Variants in MEF2C observed in about 807,000 individuals in gnomAD.
The protein encoded by MEF2C is myocyte-specific enhancer factor 2C.
In MEF2C, 6 loss-of-function variants were observed where a neutral mutation model predicts 50.5. The observed-to-expected ratio is 0.12, with a 90% confidence interval of 0.07 to 0.23. MEF2C has a LOEUF of 0.23. MEF2C is among the 10% of genes least tolerant of loss of function. MEF2C has a pLI of 1.00. For synonymous variants in MEF2C, 183 were observed against 228.0 expected, an observed-to-expected ratio of 0.80 and a Z score of 1.78; for missense variants, 276 against 605.0, an observed-to-expected ratio of 0.46 and a Z score of 5.70.
At chr5:88,741,664 G>A (rs935355086) in intron 6 of MEF2C, 2 of 973,830 alleles carry the variant, frequency 2.1e-6, no homozygotes, top group Non-Finnish European at 2.4e-6. Flanking sequence ...ATATTATAAT[G>A]TTCTATATTA....
At chr5:88,785,889 G>C (rs929375826) in intron 3 of MEF2C, among the ~76,000 whole-genome samples, 1 of 151,946 alleles carries the variant, frequency 6.6e-6, no homozygotes. Flanking sequence ...GCACCTAGAA[G>C]TCTGAAGAGA....
chr5:88,770,398 TTCAATTTGAG>T (rs1030312894), intron 3 of MEF2C, among the ~76,000 whole-genome samples: 16 of 152,220 alleles, frequency 1.1e-4, no homozygotes, highest in African/African-American at 3.6e-4. Flanking sequence ...TGCCTTTTTA[TTCAATTTGAG>T]TCTATGCGTG....
chr5:88,771,343 T>C, intron 3 of MEF2C: 1 of 713,894 alleles, frequency 1.4e-6, no homozygotes, highest in Non-Finnish European at 1.7e-6. Context: ...TCCTAGAATA[T>C]CCTTATTTAC....
intron 1 of MEF2C, among the ~76,000 whole-genome samples, chr5:88,864,148 T>G (rs1581722681): frequency 1.9e-5 from 1 of 51,698 alleles, no homozygotes; most frequent in African/African-American, 1.2e-4. Context: ...TGTTTTTTTT[T>G]TTGTTTTTTT....
intron 6 of MEF2C, chr5:88,734,585 T>TTG: frequency 1.0e-6 from 1 of 958,360 alleles, no homozygotes; most frequent in Non-Finnish European, 1.2e-6. Context: ...TTTTTTTTTT[T>TTG]TTTTTTTTTT....
At chr5:88,795,634 C>A (rs1196861884) in intron 3 of MEF2C, among the ~76,000 whole-genome samples, 1 of 152,148 alleles carries the variant, frequency 6.6e-6, no homozygotes, top group Non-Finnish European at 1.5e-5. Context: ...CCCTTTATTT[C>A]TTTCTCTTGC....
At chr5:88,751,230 T>G in intron 5 of MEF2C, 2 of 985,188 alleles carry the variant, frequency 2.0e-6, no homozygotes, top group Non-Finnish European at 2.4e-6. Context: ...TATTTTTCTC[T>G]TGGACACTGT....
At chr5:88,826,633 G>A (rs538712708) in intron 1 of MEF2C, among the ~76,000 whole-genome samples, 124 of 152,018 alleles carry the variant, frequency 8.2e-4, no homozygotes, top group Non-Finnish European at 6.6e-4. Context: ...TATATTAAAA[G>A]GTCAGTTTCA....
chr5:88,873,574 T>G (rs182865787), intron 1 of MEF2C, among the ~76,000 whole-genome samples: 49 of 151,964 alleles, frequency 3.2e-4, no homozygotes, highest in African/African-American at 1.1e-3. Context: ...TAACGCTCAC[T>G]CTAAATCAAG....
chr5:88,801,311 A>G (rs1798215813), intron 3 of MEF2C, among the ~76,000 whole-genome samples: 3 of 152,178 alleles, frequency 2.0e-5, no homozygotes, highest in Admixed American at 2.0e-4. Flanking sequence ...TTAAATTAAA[A>G]TAAATAGGAT....
chr5:88,886,787 T>C (rs1834087412), upstream of MEF2C, among the ~76,000 whole-genome samples: 1 of 152,206 alleles, frequency 6.6e-6, no homozygotes, highest in African/African-American at 2.4e-5. Flanking sequence ...ATATATTTAA[T>C]TAAAGTGTCA....
At chr5:88,795,776 T>C (rs1416387351) in intron 3 of MEF2C, among the ~76,000 whole-genome samples, 2 of 152,218 alleles carry the variant, frequency 1.3e-5, no homozygotes, top group Non-Finnish European at 2.9e-5. Flanking sequence ...GGCTGTGGGT[T>C]TGTCATAAAT....
chr5:88,734,874 A>G, intron 6 of MEF2C: 2 of 977,676 alleles, frequency 2.0e-6, no homozygotes, highest in South Asian at 9.5e-5. Context: ...AATATTTTGA[A>G]CCATGATGAC....
intron 1 of MEF2C, among the ~76,000 whole-genome samples, chr5:88,846,468 G>C (rs1276145764): frequency 6.6e-6 from 1 of 152,084 alleles, no homozygotes; most frequent in Non-Finnish European, 1.5e-5. Flanking sequence ...TCATTTCAGA[G>C]AGCAAAAGGA....
At chr5:88,896,966 C>CACAT (rs70999408) in intron 1 of MEF2C, among the ~76,000 whole-genome samples, 1 of 151,854 alleles carries the variant, frequency 6.6e-6, no homozygotes, top group Non-Finnish European at 1.5e-5. Context: ...CACACACACA[C>CACAT]GCACAACTGG....
chr5:88,752,696 A>G (rs572395076), intron 4 of MEF2C: 2 of 985,400 alleles, frequency 2.0e-6, no homozygotes, highest in African/African-American at 3.5e-5. Context: ...GACAAATGGC[A>G]AGACCTGTAT....
At chr5:88,794,048 T>TG (rs1417839753) in intron 3 of MEF2C, among the ~76,000 whole-genome samples, 1 of 152,246 alleles carries the variant, frequency 6.6e-6, no homozygotes, top group African/African-American at 2.4e-5. Flanking sequence ...CTATCATTGA[T>TG]GGACATTTGG....
chr5:88,871,446 C>G (rs1829494177), intron 1 of MEF2C, among the ~76,000 whole-genome samples: 1 of 151,982 alleles, frequency 6.6e-6, no homozygotes, highest in African/African-American at 2.4e-5. Flanking sequence ...GAAGTCCACT[C>G]TGCAAGTATT....
In MEF2C at chr5:88,734,561, GTTTGTTTTTTTTTTTTTT is replaced by G. The variant is rs1763103266; in HGVS notation, c.638-2678_638-2661del. 1.4e-3 allele frequency: 359 copies of G among 254,298 alleles called. 1 individual carries two copies. Among genetic ancestry groups the G allele is most frequent in the Non-Finnish European group, 1.6e-3 (349 of 211,752 alleles). 15.8% of individuals were successfully genotyped at this position (254,298 alleles called of 1,614,324 possible). A position where few individuals can be genotyped will look rare whatever the true frequency, so the allele number is the denominator to read the frequency against. ...ATGCTTCACGGAGGCCTTGAGAAAAGTTTGTTTTTTTTTTTTTTTTTTTTTTTTTTTTTTTTTAGCATT... is the reference window on the plus strand; with the variant it reads ...ATGCTTCACGGAGGCCTTGAGAAAAGTTTTTTTTTTTTTTTTTTTAGCATT... On this transcript the variant is annotated intron_variant, in intron 6 of 10. Coordinates refer to ENST00000504921, the MANE Select transcript of MEF2C (RefSeq NM_002397.5).
Sources: gnomAD v4.1 joint callset for allele counts (sites outside exome capture counted in the v4.1 genomes callset) on GRCh38, gnomAD v4.1.1 for gene constraint, MANE v1.5 for transcripts, NCBI Gene and HGNC (gene_info 2026-07-23, HGNC 2026-07-21) for gene names.